HHAT: variants seen among roughly 807,000 people sequenced by gnomAD.
HHAT encodes the protein hedgehog acyltransferase.
Under a neutral mutation model 70.8 loss-of-function variants are expected in HHAT, and 47 were observed. That is an observed-to-expected ratio of 0.66 (90% confidence interval 0.53 to 0.85). HHAT has a LOEUF of 0.85. Ranked by LOEUF, HHAT falls within the 40% of genes least tolerant of loss-of-function variation. The probability of loss-of-function intolerance (pLI) is 0.00; values close to 1 mark genes in which losing one functional copy is unlikely to be tolerated. For missense variants in HHAT, 609 were observed against 604.8 expected (o/e 1.01, Z -0.07); for synonymous variants, 228 against 247.6 (o/e 0.92, Z 0.74).
intron 9 of HHAT, among the ~76,000 whole-genome samples, chr1:210,538,906 G>A (rs953908386): frequency 2.0e-5 from 3 of 152,100 alleles, no homozygotes; most frequent in Admixed American, 1.3e-4. Context: ...GTGAAACCCC[G>A]TCTCTACCAA....
intron 4 of HHAT, among the ~76,000 whole-genome samples, chr1:210,389,563 G>A (rs541167979): frequency 3.9e-5 from 6 of 152,236 alleles, no homozygotes; most frequent in Admixed American, 1.3e-4. Flanking sequence ...ATGAGATCTC[G>A]TTGTTTGAAA....
intron 11 of HHAT, among the ~76,000 whole-genome samples, chr1:210,673,805 ATTT>A (rs1357048764): frequency 7.7e-6 from 1 of 130,680 alleles, no homozygotes; most frequent in African/African-American, 3.0e-5. Flanking sequence ...TTATTTATTT[ATTT>A]ATTTATGGTA....
At chr1:210,555,018 C>T (rs879904892) in intron 9 of HHAT, among the ~76,000 whole-genome samples, 3 of 152,024 alleles carry the variant, frequency 2.0e-5, no homozygotes, top group Admixed American at 6.5e-5. Flanking sequence ...TTGGGCCTCC[C>T]GTGATAGAGG....
chr1:210,398,240 G>C (rs1377289629), intron 4 of HHAT, among the ~76,000 whole-genome samples: 1 of 152,104 alleles, frequency 6.6e-6, no homozygotes, highest in Non-Finnish European at 1.5e-5. Flanking sequence ...GATTCTTTTT[G>C]CATTATTCAC....
chr1:210,381,017 T>C lies in HHAT; in HGVS notation c.160-6451T>C, dbSNP rs915178419. On this transcript the variant is annotated intron_variant, in intron 3 of 11. Coordinates refer to ENST00000261458, the MANE Select transcript of HHAT (RefSeq NM_018194.6). Reference sequence around the variant, plus strand: ...TGATCAAATATGCTCTTAAAAATATTACTTTGGTGCTGTGTAGGGAGCATG... The same window carrying C: ...TGATCAAATATGCTCTTAAAAATATCACTTTGGTGCTGTGTAGGGAGCATG... Among the ~76,000 whole-genome samples, 5 of 152,228 alleles carry C rather than the reference T, an allele frequency of 3.3e-5. No individual in the cohort carries two copies. The South Asian group carries it at 1.0e-3, about 32-fold the overall frequency.
chr1:210,342,171 G>A (rs1260957115), intron 1 of HHAT, among the ~76,000 whole-genome samples: 1 of 151,990 alleles, frequency 6.6e-6, no homozygotes, highest in Non-Finnish European at 1.5e-5. Context: ...TTTCACTAAG[G>A]GCCTAAATCA....
At chr1:210,348,805 A>AT (rs977488388) in intron 1 of HHAT, 128 bp from the exon 2 acceptor site, 7 of 851,144 alleles carry the variant, frequency 8.2e-6, no homozygotes, top group Middle Eastern at 2.9e-4. Flanking sequence ...AGGAAGCTTG[A>AT]TTGGGGTTAT....
intron 10 of HHAT, among the ~76,000 whole-genome samples, chr1:210,599,723 A>G (rs1178507237): frequency 6.6e-6 from 1 of 151,452 alleles, no homozygotes; most frequent in Non-Finnish European, 1.5e-5. Context: ...CCTTGCTTCC[A>G]CTTCCTCCCC....
intron 8 of HHAT, among the ~76,000 whole-genome samples, chr1:210,506,320 G>A (rs2094853532): frequency 6.6e-6 from 1 of 152,156 alleles, no homozygotes. Context: ...CATACTTAGA[G>A]ATGCTGCCTG....
At chr1:210,401,312 C>T (rs535698967) in intron 5 of HHAT, among the ~76,000 whole-genome samples, 1 of 152,278 alleles carries the variant, frequency 6.6e-6, no homozygotes, top group African/African-American at 2.4e-5. Flanking sequence ...TGGGGTTTCA[C>T]CATGTTGGCC....
intron 10 of HHAT, among the ~76,000 whole-genome samples, chr1:210,605,536 C>G (rs1665214894): frequency 6.6e-6 from 1 of 152,132 alleles, no homozygotes; most frequent in East Asian, 1.9e-4. Context: ...ATTGGTCCGA[C>G]TAAAAAGGGA....
intron 1 of HHAT, among the ~76,000 whole-genome samples, chr1:210,345,560 G>A (rs2086444917): frequency 6.6e-6 from 1 of 152,188 alleles, no homozygotes; most frequent in Admixed American, 6.5e-5. Flanking sequence ...ATCTTTAAGT[G>A]TATGTGTATA....
intron 8 of HHAT, among the ~76,000 whole-genome samples, chr1:210,510,953 A>G (rs2094943261): frequency 6.6e-6 from 1 of 152,100 alleles, no homozygotes; most frequent in Non-Finnish European, 1.5e-5. Flanking sequence ...AAGGCTCTAC[A>G]AGCTTTGGAT....
chr1:210,363,073 G>A (rs1238453272), intron 3 of HHAT, among the ~76,000 whole-genome samples, 154 bp downstream of exon 3: 1 of 152,124 alleles, frequency 6.6e-6, no homozygotes, highest in East Asian at 1.9e-4. Flanking sequence ...TGCTGTGTTG[G>A]GGAAGGCGTT....
chr1:210,435,057 T>C (rs2093343182), intron 7 of HHAT, among the ~76,000 whole-genome samples: 1 of 151,868 alleles, frequency 6.6e-6, no homozygotes, highest in Non-Finnish European at 1.5e-5. Context: ...TGTTGATCTA[T>C]TGAACAGCAG....
chr1:210,498,533 A>C (rs2094693016), intron 8 of HHAT, among the ~76,000 whole-genome samples: 1 of 152,176 alleles, frequency 6.6e-6, no homozygotes, highest in African/African-American at 2.4e-5. Flanking sequence ...TCACCTGTGC[A>C]TATCCCTGAA....
At chr1:210,547,531 G>A (rs757205431) in intron 9 of HHAT, among the ~76,000 whole-genome samples, 4 of 152,096 alleles carry the variant, frequency 2.6e-5, no homozygotes, top group Non-Finnish European at 5.9e-5. Context: ...TGTGATGAGG[G>A]CATATTTATT....
At chr1:210,575,731 A>G (rs1657578022) in intron 9 of HHAT, among the ~76,000 whole-genome samples, 1 of 152,174 alleles carries the variant, frequency 6.6e-6, no homozygotes, top group African/African-American at 2.4e-5. Context: ...AGATTGTAAT[A>G]CCACAAAGAC....
intron 11 of HHAT, among the ~76,000 whole-genome samples, chr1:210,649,190 G>A (rs1255984042): frequency 1.3e-5 from 2 of 152,280 alleles, no homozygotes; most frequent in African/African-American, 4.8e-5. Context: ...CAGATACATG[G>A]CTGTCTTCAG....
Sources: gnomAD v4.1 joint callset for allele counts (sites outside exome capture counted in the v4.1 genomes callset) on GRCh38, gnomAD v4.1.1 for gene constraint, MANE v1.5 for transcripts, NCBI Gene and HGNC (gene_info 2026-07-23, HGNC 2026-07-21) for gene names.